The following MROH1 variants were observed in gnomAD, a reference collection of about 807,000 sequenced individuals.
MROH1 encodes maestro heat-like repeat-containing protein family member 1.
A neutral mutation model predicts 116.5 loss-of-function variants in MROH1; 117 were observed. That is an observed-to-expected ratio of 1.00 (90% confidence interval 0.86 to 1.17). The LOEUF (loss-of-function observed/expected upper bound fraction) is 1.17, where lower values mean the gene tolerates loss of function less well. Ranked by LOEUF, MROH1 falls within the 50% of genes most tolerant of loss-of-function variation. The probability of loss-of-function intolerance (pLI) is 0.00; values close to 1 mark genes in which losing one functional copy is unlikely to be tolerated. For missense variants in MROH1, 1,873 were observed against 1,338.5 expected, an observed-to-expected ratio of 1.40 and a Z score of -6.23; for synonymous variants, 921 against 583.9, an observed-to-expected ratio of 1.58 and a Z score of -8.32.
At chr8:144,193,567 C>A (rs895211515) in intron 10 of MROH1, among the ~76,000 whole-genome samples, 6 of 152,038 alleles carry the variant, frequency 3.9e-5, no homozygotes, top group African/African-American at 1.4e-4. Flanking sequence ...GTTACTGAAC[C>A]CAAGACCATA....
At chr8:144,169,103 G>A (rs145523796) in intron 4 of MROH1, among the ~76,000 whole-genome samples, 3 of 152,356 alleles carry the variant, frequency 2.0e-5, no homozygotes, top group East Asian at 1.9e-4. Flanking sequence ...CTCTGTCACC[G>A]CTGACAGCGT....
At chr8:144,250,494 A>G in intron 33 of MROH1, 128 bp downstream of exon 33, 1 of 698,546 alleles carries the variant, frequency 1.4e-6, no homozygotes, top group Non-Finnish European at 2.6e-6. Flanking sequence ...GCTGTAGGCC[A>G]CGTGGGACAG....
intron 14 of MROH1, among the ~76,000 whole-genome samples, chr8:144,229,754 G>A (rs1838483289): frequency 6.6e-6 from 1 of 151,982 alleles, no homozygotes. Flanking sequence ...CTTTTCCTTT[G>A]CAGTCATTAC....
At chr8:144,213,179 T>C in intron 12 of MROH1, 1 of 729,656 alleles carries the variant, frequency 1.4e-6, no homozygotes, top group Non-Finnish European at 2.6e-6. Flanking sequence ...GTGTTGGTTC[T>C]GCGGGCGACT....
At position 144,210,684 on chromosome 8, in the gene MROH1, GTCTCTCTC is replaced by G. The variant is rs58517848; in HGVS notation, c.1142-9906_1142-9899del. 1.8e-3 allele frequency among the ~76,000 whole-genome samples: 270 copies of G among 151,404 alleles called. 3 individuals carry two copies. The highest frequency in any genetic ancestry group is 5.8e-4 in the East Asian group (3 of 5,172). ...AGCCTGGGTGACAGATGGAGACTCT[GTCTCTCTC>G]TCTCTCTCTATCTCTCTATATATAT... On this transcript the variant is annotated intron_variant, in intron 12 of 43. Transcript: ENST00000326134.
intron 1 of MROH1, among the ~76,000 whole-genome samples, chr8:144,154,791 A>G (rs1817647188): frequency 6.6e-6 from 1 of 151,016 alleles, no homozygotes; most frequent in Admixed American, 6.6e-5. Flanking sequence ...CAGCCTCCCA[A>G]GTAGCTGGGA....
rs767165126 is a variant in MROH1 at position 144,190,793 on chromosome 8, G to A, written c.572G>A (p.Arg191His). 1.1e-5 allele frequency: 17 copies of A among 1,613,232 alleles called. No homozygotes were observed. Among genetic ancestry groups the A allele is most frequent in the African/African-American group, 2.7e-5 (2 of 74,910 alleles). The change falls in exon 8 of 44, where the codon CGC becomes CAC. Residue 191 changes from arginine to histidine, a missense_variant. Arg to His is a conservative substitution (Grantham distance 29). Transcript: ENST00000326134. Reference protein sequence around the residue: ...VRVAFCSALQRFSEGALEYLA... With the variant: ...VRVAFCSALQHFSEGALEYLA... ...CTGGCCGGTTTTGTAGCTCTGCAGC[G>A]CTTCAGCGAGGGTGCCCTGGAGTAC...
At chr8:144,216,590 C>T (rs943328082) in intron 12 of MROH1, among the ~76,000 whole-genome samples, 1 of 152,066 alleles carries the variant, frequency 6.6e-6, no homozygotes, top group Admixed American at 6.6e-5. Context: ...TGTTTAATGG[C>T]TGCTCCAGGT....
Position 144,191,751 on chromosome 8 carries a change from A to G in MROH1, c.751A>G (p.Ser251Gly). The G allele has an allele frequency of 1.2e-6, 2 of 1,612,998 alleles. No homozygotes were observed. The highest frequency in any genetic ancestry group is 1.7e-6 in the Non-Finnish European group (2 of 1,179,682). Residue 251 changes from serine (S) to glycine (G), a missense_variant, in exon 9 of 44, where the codon AGC becomes GGC. By Grantham distance (56) the Ser-to-Gly change is moderately conservative. Transcript: ENST00000326134. ...LAVVEALGPM[S>G]HLLPSERLEE... Reference sequence around the variant, plus strand: ...CGTGGTGGAGGCTCTGGGGCCTATGAGCCATCTGCTGCCCAGTGAGAGGCT... The same window carrying G: ...CGTGGTGGAGGCTCTGGGGCCTATGGGCCATCTGCTGCCCAGTGAGAGGCT...
At chr8:144,205,472 G>T (rs1317342048) in intron 12 of MROH1, among the ~76,000 whole-genome samples, 1 of 150,974 alleles carries the variant, frequency 6.6e-6, no homozygotes, top group African/African-American at 2.4e-5. Flanking sequence ...CTGCCTAGAT[G>T]CCCAAAGGAT....
At chr8:144,231,278 C>A (rs1427614496) in intron 14 of MROH1, among the ~76,000 whole-genome samples, 1 of 152,010 alleles carries the variant, frequency 6.6e-6, no homozygotes, top group Non-Finnish European at 1.5e-5. Context: ...TTCTATTCCA[C>A]AAAGCCGCCA....
chr8:144,165,161 G>A lies in MROH1; in HGVS notation c.22+1313G>A, dbSNP rs1015852289. 1.3e-4 allele frequency among the ~76,000 whole-genome samples: 19 copies of A among 147,024 alleles called. 1 individual carries two copies. Among genetic ancestry groups the A allele is most frequent in the African/African-American group, 3.0e-4 (12 of 40,046 alleles). On this transcript the variant is annotated intron_variant, in intron 3 of 43. Transcript: ENST00000326134. ...TTTTGAGATGGAGTCTCACTCTGTCGCAGAGGCTGGAGTGCAGTGGATCTC... is the reference window on the plus strand; with the variant it reads ...TTTTGAGATGGAGTCTCACTCTGTCACAGAGGCTGGAGTGCAGTGGATCTC...
chr8:144,244,232 C>T lies in MROH1; in HGVS notation c.2566C>T (p.Pro856Ser). 1.4e-6 allele frequency: 1 copy of T among 717,896 alleles called. No individual in the cohort carries two copies. Among genetic ancestry groups the T allele is most frequent in the Non-Finnish European group, 2.6e-6 (1 of 384,940 alleles). The allele number at this position is 717,896 out of a possible 1,614,324, so 44.5% of individuals were successfully genotyped here. ...TAACTTGCCTCTCAGCTCCGTGGAG[C>T]CAGCGCTGGACGAGCAGGCCCGGGC... Reference protein sequence around the residue: ...LTCTYLVSVEPALDEQARADV... With the variant: ...LTCTYLVSVESALDEQARADV... Residue 856 changes from proline (P) to serine (S), a missense_variant, in exon 27 of 44, where the codon CCA becomes TCA. Transcript: ENST00000326134.
chr8:144,167,858 C>G (rs989802407), intron 3 of MROH1, among the ~76,000 whole-genome samples: 14 of 152,132 alleles, frequency 9.2e-5, no homozygotes, highest in Non-Finnish European at 1.8e-4. Context: ...ATGGGGAACC[C>G]CAGGCTGCCT....
intron 1 of MROH1, among the ~76,000 whole-genome samples, chr8:144,148,406 C>T (rs1011893966): frequency 1.3e-5 from 2 of 151,806 alleles, no homozygotes; most frequent in Admixed American, 6.6e-5. Flanking sequence ...CGCGGGAGCC[C>T]GGTGGTCCCC....
intron 14 of MROH1, among the ~76,000 whole-genome samples, chr8:144,232,570 G>A (rs1228570651): frequency 6.6e-6 from 1 of 151,334 alleles, no homozygotes; most frequent in Non-Finnish European, 1.5e-5. Context: ...CTCAGCTCAC[G>A]GCAACCTCCG....
chr8:144,164,464 G>T (rs1442555881), intron 3 of MROH1, among the ~76,000 whole-genome samples: 1 of 151,830 alleles, frequency 6.6e-6, no homozygotes, highest in Non-Finnish European at 1.5e-5. Flanking sequence ...GAGTGCAGTG[G>T]TGCAATCATG....
At chr8:144,186,257 G>A (rs1361799839) in intron 7 of MROH1, among the ~76,000 whole-genome samples, 9 of 151,826 alleles carry the variant, frequency 5.9e-5, no homozygotes, top group East Asian at 1.9e-4. Flanking sequence ...GAGTAGCTGC[G>A]ACCAGAGGTG....
At chr8:144,151,247 CAAAAAAA>C (rs1160118892) in intron 1 of MROH1, among the ~76,000 whole-genome samples, 36 of 22,964 alleles carry the variant, frequency 1.6e-3, no homozygotes, top group African/African-American at 3.7e-3. Flanking sequence ...TATTCTGTCT[CAAAAAAA>C]AAAAAAAAAA....
Sources: gnomAD v4.1 joint callset for allele counts (sites outside exome capture counted in the v4.1 genomes callset) on GRCh38, gnomAD v4.1.1 for gene constraint, MANE v1.5 for transcripts, NCBI Gene and HGNC (gene_info 2026-07-23, HGNC 2026-07-21) for gene names.